Variants in OLAH observed in about 807,000 individuals in gnomAD.
The protein encoded by OLAH is S-acyl fatty acid synthase thioesterase, medium chain.
OLAH carries 33 observed loss-of-function variants against 27.8 expected under a neutral mutation model. The ratio of observed to expected loss-of-function variants is 1.19; its 90% CI spans 0.90 to 1.59. The LOEUF is 1.59. OLAH is among the 40% of genes most tolerant of loss of function. The pLI is 0.00. For synonymous variants in OLAH, 120 were observed against 102.9 expected, an observed-to-expected ratio of 1.17 and a Z score of -1.01; for missense variants, 359 against 310.8, an observed-to-expected ratio of 1.16 and a Z score of -1.17.
At chr10:15,052,757 C>T (rs1844170196) in intron 3 of OLAH, among the ~76,000 whole-genome samples, 1 of 109,922 alleles carries the variant, frequency 9.1e-6, no homozygotes, top group African/African-American at 3.4e-5. Flanking sequence ...GTGACAGAGT[C>T]TCACTCTGTC....
chr10:15,066,290 G>A (rs571939592), intron 6 of OLAH, among the ~76,000 whole-genome samples: 1 of 149,954 alleles, frequency 6.7e-6, no homozygotes, highest in African/African-American at 2.4e-5. Context: ...AAAAATATAT[G>A]ATTAGACATG....
chr10:15,058,779 C>A (rs904889497), intron 3 of OLAH, among the ~76,000 whole-genome samples: 1 of 152,156 alleles, frequency 6.6e-6, no homozygotes, highest in African/African-American at 2.4e-5. Flanking sequence ...GCATTGAATT[C>A]TCGTGGGTTT....
At chr10:15,057,528 G>C (rs755703839) in intron 3 of OLAH, among the ~76,000 whole-genome samples, 5 of 151,682 alleles carry the variant, frequency 3.3e-5, no homozygotes, top group Non-Finnish European at 7.4e-5. Flanking sequence ...TGTGATAACA[G>C]GCATGAGCCA....
chr10:15,050,264 T>A (rs763568025), intron 3 of OLAH, among the ~76,000 whole-genome samples: 29 of 151,996 alleles, frequency 1.9e-4, no homozygotes, highest in Non-Finnish European at 3.4e-4. Flanking sequence ...TAATAATAAT[T>A]ATTTATTTAT....
At position 15,073,155 on chromosome 10, in the gene OLAH, G is replaced by A; in HGVS notation, c.724G>A (p.Asp242Asn). Residue 242 changes from aspartate to asparagine, a missense_variant, in exon 8 of 8, where the codon GAT (aspartate) becomes AAT (asparagine). Physicochemically the swap from Asp to Asn is conservative, Grantham distance 23. Coordinates refer to ENST00000378228, the MANE Select transcript of OLAH (RefSeq NM_001039702.3). The part of the protein sequence containing the change: ...QLPGGHFYLL[D>N]PANEKLIKNY... ...TCCAGGGGGTCACTTTTATCTTCTG[G>A]ATCCTGCGAACGAGAAATTAATCAA... is the stretch of plus-strand genomic sequence containing the variant. 6.2e-7 allele frequency: 1 copy of A among 1,612,174 alleles called. No homozygotes were observed. The highest frequency in any genetic ancestry group is 2.2e-5 in the East Asian group (1 of 44,874).
chr10:15,037,078 C>G (rs1843851762), intron 1 of OLAH, among the ~76,000 whole-genome samples: 1 of 150,560 alleles, frequency 6.6e-6, no homozygotes, highest in African/African-American at 2.5e-5. Flanking sequence ...GACTGTGTCT[C>G]AAAATAAATA....
intron 4 of OLAH, among the ~76,000 whole-genome samples, chr10:15,063,958 G>A (rs372946099): frequency 4.6e-5 from 7 of 152,190 alleles, no homozygotes; most frequent in African/African-American, 1.7e-4. Context: ...ATAGCTTCTG[G>A]AAAACTCCAC....
At chr10:15,053,400 G>T (rs925209006) in intron 3 of OLAH, among the ~76,000 whole-genome samples, 1 of 152,132 alleles carries the variant, frequency 6.6e-6, no homozygotes, top group Non-Finnish European at 1.5e-5. Flanking sequence ...CGCACTAAGA[G>T]GCAAAATGGT....
chr10:15,051,110 C>T, intron 3 of OLAH, among the ~76,000 whole-genome samples: 1 of 143,082 alleles, frequency 7.0e-6, no homozygotes. Context: ...GAGTCTTGCT[C>T]TGTCTCCCAG....
intron 3 of OLAH, among the ~76,000 whole-genome samples, chr10:15,058,905 G>A (rs1844298463): frequency 1.4e-5 from 2 of 145,920 alleles, no homozygotes; most frequent in Admixed American, 6.9e-5. Context: ...TCTCTGGCTT[G>A]CCCTATTTCT....
rs1308124964 is a variant in OLAH at position 15,065,633 on chromosome 10, A to C, written c.452A>C (p.Gln151Pro). Residue 151 changes from glutamine (Q) to proline (P), a missense_variant, in exon 6 of 8, where the codon CAA becomes CCA. Transcript: ENST00000378228. ...IPKDDELSEE[Q>P]ISHYLMEFGG... is the part of the protein sequence containing the mutation. ...AAAGATGATGAATTGTCAGAAGAAC[A>C]AATAAGTCATTACCTTATGGAATTT... is the stretch of plus-strand genomic sequence containing the variant. 1 of 1,612,074 alleles carries C rather than the reference A, an allele frequency of 6.2e-7. No homozygotes were observed. The highest frequency in any genetic ancestry group is 1.3e-5 in the African/African-American group (1 of 74,950).
chr10:15,061,917 G>A (rs771654952), intron 4 of OLAH, 55 bp downstream of exon 4: 19 of 1,547,194 alleles, frequency 1.2e-5, no homozygotes, highest in Admixed American at 1.8e-5. Flanking sequence ...TCTGAAGTTT[G>A]AGGTTAATGT....
At chr10:15,043,699 C>T (rs1458107172), upstream of OLAH, among the ~76,000 whole-genome samples, 2 of 151,880 alleles carry the variant, frequency 1.3e-5, no homozygotes, top group Non-Finnish European at 2.9e-5. Context: ...AACTCTAGAC[C>T]TCAGGTGATC....
intron 1 of OLAH, among the ~76,000 whole-genome samples, chr10:15,046,084 G>A (rs1380885477): frequency 2.0e-5 from 3 of 151,120 alleles, no homozygotes; most frequent in Admixed American, 6.6e-5. Context: ...GGTGGCTCAC[G>A]CCTATAATCC....
At position 15,049,284 on chromosome 10, in the gene OLAH, C is replaced by T. The variant is rs187115169; in HGVS notation, c.33-351C>T. 2.7e-3 allele frequency among the ~76,000 whole-genome samples: 417 copies of T among 152,094 alleles called. 2 individuals carry two copies. Among genetic ancestry groups the T allele is most frequent in the African/African-American group, 9.3e-3 (386 of 41,498 alleles). ...AAGTAGCTAGGATCATAGGTGTGTA[C>T]CACTATGCCAACCTAACTTTTAAAT... On this transcript the variant is annotated intron_variant, in intron 2 of 7. Coordinates refer to ENST00000378228, the MANE Select transcript of OLAH (RefSeq NM_001039702.3).
intron 3 of OLAH, among the ~76,000 whole-genome samples, chr10:15,058,595 T>C (rs1844292043): frequency 6.6e-6 from 1 of 152,026 alleles, no homozygotes; most frequent in Non-Finnish European, 1.5e-5. Context: ...TGAAAAAAAA[T>C]GTTTAGTAAG....
At chr10:15,065,830 G>C in intron 6 of OLAH, 77 bp downstream of exon 6, 2 of 1,359,486 alleles carry the variant, frequency 1.5e-6, no homozygotes. Context: ...AGTGCTCTGA[G>C]GTTGCTTATG....
At chr10:15,050,831 G>T (rs865863374) in intron 3 of OLAH, among the ~76,000 whole-genome samples, 1 of 151,600 alleles carries the variant, frequency 6.6e-6, no homozygotes, top group Non-Finnish European at 1.5e-5. Context: ...GTGAGCCACC[G>T]CGCCTGGCCC....
At chr10:15,056,928 G>A (rs749356242) in intron 3 of OLAH, 10 of 1,513,756 alleles carry the variant, frequency 6.6e-6, no homozygotes, top group East Asian at 2.6e-5. Flanking sequence ...CCGTAGGCGT[G>A]AGCCACCGTG....
Sources: gnomAD v4.1 joint callset for allele counts (sites outside exome capture counted in the v4.1 genomes callset) on GRCh38, gnomAD v4.1.1 for gene constraint, MANE v1.5 for transcripts, NCBI Gene and HGNC (gene_info 2026-07-23, HGNC 2026-07-21) for gene names.